ATP2A3: variants seen among roughly 807,000 people sequenced by gnomAD.
The protein encoded by ATP2A3 is ATPase sarcoplasmic/endoplasmic reticulum Ca2+ transporting 3, also known as sarcoplasmic/endoplasmic reticulum calcium ATPase 3.
A neutral mutation model predicts 106.8 loss-of-function variants in ATP2A3; 61 were observed. The observed-to-expected ratio is 0.57, with a 90% CI of 0.46 to 0.71. The LOEUF is 0.71. Ranked by LOEUF, ATP2A3 falls within the 30% of genes least tolerant of loss-of-function variation. The pLI is 0.00. For missense variants in ATP2A3, 1,201 were observed against 1,423.5 expected (o/e 0.84, Z 2.52); for synonymous variants, 611 against 609.3 (o/e 1.00, Z -0.04).
At chr17:3,951,428 GC>G in intron 4 of ATP2A3, 39 bp from the exon 5 acceptor site, 1 of 1,612,798 alleles carries the variant, frequency 6.2e-7, no homozygotes, top group South Asian at 1.1e-5. Flanking sequence ...TGTCCCTGCT[GC>G]CCCCCGCAGA....
intron 17 of ATP2A3, among the ~76,000 whole-genome samples, chr17:3,931,215 T>G (rs1018641617): frequency 6.6e-6 from 1 of 152,144 alleles, no homozygotes; most frequent in Admixed American, 6.6e-5. Context: ...CTATCAGATC[T>G]GATGTGTGCT....
rs1254379837 is a variant in ATP2A3, at chr17:3,936,441, G to A, written c.2350C>T (p.Pro784Ser). The A allele has an allele frequency of 1.9e-6, 3 of 1,613,994 alleles. No individual in the cohort carries two copies. The highest frequency in any genetic ancestry group is 2.5e-6 in the Non-Finnish European group (3 of 1,180,038). The change falls in exon 16 of 21, where the codon CCC becomes TCC. Residue 784 changes from proline (P) to serine (S), a missense_variant. Around this residue, in one of 2 missense-constraint regions of ATP2A3, gnomAD observed 935 missense variants for 1,176.7 expected, o/e 0.79. Transcript: ENST00000397041. The surrounding 1 kb of genome is among the most constrained non-coding windows in gnomAD (Gnocchi z 5.4). ...CIFLTAILGL[P>S]EALIPVQLLW... ...AGCTGCACAGGGATCAGGGCTTCGG[G>A]CAGGCCCAGAATTGCCGTGAGGAAG...
At chr17:3,943,558 G>C in intron 10 of ATP2A3, 36 bp from the exon 11 acceptor site, 1 of 1,613,420 alleles carries the variant, frequency 6.2e-7, no homozygotes, top group Non-Finnish European at 8.5e-7. Flanking sequence ...GTGAGGGGCA[G>C]GCAGCCTCCA....
At chr17:3,961,707 T>G (rs60501677) in intron 1 of ATP2A3, among the ~76,000 whole-genome samples, 124 of 152,160 alleles carry the variant, frequency 8.1e-4, no homozygotes, top group African/African-American at 3.0e-3. Flanking sequence ...TGACCCACCC[T>G]GCCACCCAGC....
Position 3,929,853 on chromosome 17 carries a change from C to T in ATP2A3, c.2745-408G>A, listed in dbSNP as rs2052949129. On this transcript the variant is annotated intron_variant, in intron 18 of 20. Transcript: ENST00000397041. The surrounding 1 kb of genome is among the most constrained non-coding windows in gnomAD (Gnocchi z 4.3). ...CCCCTCTAACTCCCAGACCTCAGTC[C>T]TGGACTCCCCTGACCCCTGGAACCC... Among the ~76,000 whole-genome samples, 1 of 150,162 alleles carries T rather than the reference C, an allele frequency of 6.7e-6. No individual in the cohort carries two copies. Among genetic ancestry groups the T allele is most frequent in the Non-Finnish European group, 1.5e-5 (1 of 67,942 alleles).
Position 3,939,735 on chromosome 17 carries a change from C to T in ATP2A3, c.2100+1236G>A, listed in dbSNP as rs530507020. Reference sequence around the variant, plus strand: ...CTGGGAGGCGGAGGTTGCAGTGAGCCGAGATCGTGCCACTGCGCTCCAGCC... The same window carrying T: ...CTGGGAGGCGGAGGTTGCAGTGAGCTGAGATCGTGCCACTGCGCTCCAGCC... On this transcript the variant is annotated intron_variant, in intron 14 of 20. Transcript: ENST00000397041. Among the ~76,000 whole-genome samples the T allele has an allele frequency of 8.1e-5, 11 of 135,178 alleles. 1 individual carries two copies. Among genetic ancestry groups the T allele is most frequent in the Middle Eastern group, 4.1e-3 (1 of 244 alleles). 88.7% of individuals were successfully genotyped at this position (135,178 alleles called of 152,430 possible).
In ATP2A3 at chr17:3,943,421, G is replaced by A. The variant is rs1451146674; in HGVS notation, c.1389C>T (p.Ser463=). 6.2e-7 allele frequency: 1 copy of A among 1,614,050 alleles called. No individual in the cohort carries two copies. Among genetic ancestry groups the A allele is most frequent in the South Asian group, 1.1e-5 (1 of 91,076 alleles). The change falls in exon 11 of 21, where the codon TCC becomes TCT. Residue 463 remains serine (S), a synonymous_variant. Coordinates refer to ENST00000397041, the MANE Select transcript of ATP2A3 (RefSeq NM_005173.4). The part of the protein sequence containing the change: ...NVFDTDLQAL[S]RVERAGACNT... ...TACAGGCGCCAGCTCGCTCCACCCG[G>A]GACAGAGCCTGCAGGTCGGTGTCGA...
Position 3,928,830 on chromosome 17 carries a change from C to T in ATP2A3, c.2863-50G>A, listed in dbSNP as rs41283385. The T allele has an allele frequency of 6.2e-5, 89 of 1,433,516 alleles. No homozygotes were observed. In the Admixed American group the frequency reaches 9.1e-4, roughly 15 times the overall value. 88.8% of individuals were successfully genotyped at this position (1,433,516 alleles called of 1,614,324 possible). A position where few individuals can be genotyped will look rare whatever the true frequency, so the allele number is the denominator to read the frequency against. The stretch of plus-strand genomic sequence containing the variant: ...TGGTTAAAGGAAGGACTGGCTGTCC[C>T]GTGCCCCAGCCATCTGCTGGCCTTA... On this transcript the variant is annotated intron_variant, in intron 19 of 20. Coordinates refer to ENST00000397041, the MANE Select transcript of ATP2A3 (RefSeq NM_005173.4). This position sits in a 1 kb window ranked among gnomAD's most constrained non-coding sequence, Gnocchi z 6.1.
intron 20 of ATP2A3, chr17:3,927,954 C>T (rs780704828): frequency 5.1e-5 from 82 of 1,613,150 alleles, no homozygotes; most frequent in Middle Eastern, 1.6e-4. Flanking sequence ...ACCGCCTCTG[C>T]GCAAATTCCC....
rs1484483586 is a variant in ATP2A3 at position 3,930,242 on chromosome 17, ACCCCCAG to A, written c.2744+52_2744+58del. 2.2e-6 allele frequency: 3 copies of A among 1,384,240 alleles called. No homozygotes were observed. The highest frequency in any genetic ancestry group is 2.5e-5 in the Admixed American group (1 of 40,182). The allele number at this position is 1,384,240 out of a possible 1,614,324, so 85.7% of individuals were successfully genotyped here. A position where few individuals can be genotyped will look rare whatever the true frequency, so the allele number is the denominator to read the frequency against. The stretch of plus-strand genomic sequence containing the variant: ...CTGACCCTCAGACACTGATACTGGA[ACCCCCAG>A]CCCTCAGCCCCCACTCCTCGGCCCC... On this transcript the variant is annotated intron_variant, in intron 18 of 20. Coordinates refer to ENST00000397041, the MANE Select transcript of ATP2A3 (RefSeq NM_005173.4). This position sits in a 1 kb window ranked among gnomAD's most constrained non-coding sequence, Gnocchi z 5.4.
rs570829169 is a variant in ATP2A3, at chr17:3,955,483, A to G, written c.119-1773T>C. ...ATTTTCCGTGGAAAATGTAATCTCC[A>G]GTGTCCTGCGTCGAGATTAAAATCA... On this transcript the variant is annotated intron_variant, in intron 1 of 20. Coordinates refer to ENST00000397041, the MANE Select transcript of ATP2A3 (RefSeq NM_005173.4). This position sits in a 1 kb window ranked among gnomAD's most constrained non-coding sequence, Gnocchi z 4.2. Among the ~76,000 whole-genome samples, 14 of 152,222 alleles carry G rather than the reference A, an allele frequency of 9.2e-5. No homozygotes were observed. The highest frequency in any genetic ancestry group is 1.5e-4 in the Non-Finnish European group (10 of 68,038).
chr17:3,944,575 A>T (rs1457975240), intron 10 of ATP2A3, 129 bp downstream of exon 10: 2 of 894,242 alleles, frequency 2.2e-6, no homozygotes, highest in East Asian at 5.3e-5. Context: ...GTGCAGGGGT[A>T]ACCGTGCTCC....
In ATP2A3 at chr17:3,936,203, G is replaced by C; in HGVS notation, c.2524+64C>G. Reference sequence around the variant, plus strand: ...GGCTGAGTCACACTGTCTGCAGCTTGCAAGCCTGATACAAGGCTCTTAGGA... The same window carrying C: ...GGCTGAGTCACACTGTCTGCAGCTTCCAAGCCTGATACAAGGCTCTTAGGA... On this transcript the variant is annotated intron_variant, in intron 16 of 20. Coordinates refer to ENST00000397041, the MANE Select transcript of ATP2A3 (RefSeq NM_005173.4). This position sits in a 1 kb window ranked among gnomAD's most constrained non-coding sequence, Gnocchi z 5.4. 1 of 1,586,326 alleles carries C rather than the reference G, an allele frequency of 6.3e-7. No individual in the cohort carries two copies. Among genetic ancestry groups the C allele is most frequent in the South Asian group, 1.1e-5 (1 of 90,470 alleles).
Position 3,951,326 on chromosome 17 carries a change from T to C in ATP2A3, c.388A>G (p.Ile130Val). The C allele has an allele frequency of 6.2e-7, 1 of 1,613,872 alleles. No individual in the cohort carries two copies. The change falls in exon 5 of 21, where the codon ATC becomes GTC. Residue 130 changes from isoleucine (I) to valine (V), a missense_variant. Physicochemically the swap from Ile to Val is conservative, Grantham distance 29 (BLOSUM62 3). This residue lies in a region of ATP2A3 where 266 missense variants were observed against 246.8 expected (regional missense o/e 1.08). Transcript: ENST00000397041. ...TGCACGCCCTTGCGGTCCGAGCGGA[T>C]CACCTTGCCCATCTCAGGCTCATAC... ...KEYEPEMGKV[I>V]RSDRKGVQRI...
intron 5 of ATP2A3, 140 bp from the exon 6 acceptor site, chr17:3,950,913 T>C (rs1315352268): frequency 1.1e-6 from 1 of 879,470 alleles, no homozygotes; most frequent in East Asian, 2.6e-5. Flanking sequence ...CCTGCCCCTC[T>C]GGCCCACAGT....
In ATP2A3 at chr17:3,953,165, G is replaced by A; in HGVS notation, c.219+182C>T. ...GGTGGGAGCCGGGGACCCAATGTAG[G>A]GGCCATGAGGGTTCAGGCAAGGGAA... is the stretch of plus-strand genomic sequence containing the variant. On this transcript the variant is annotated intron_variant, in intron 3 of 20. Transcript: ENST00000397041. The surrounding 1 kb of genome is among the most constrained non-coding windows in gnomAD (Gnocchi z 5.1). The A allele has an allele frequency of 1.5e-6, 1 of 681,400 alleles. No individual in the cohort carries two copies. The highest frequency in any genetic ancestry group is 1.6e-5 in the South Asian group (1 of 60,840). The allele number at this position is 681,400 out of a possible 1,614,324, so 42.2% of individuals were successfully genotyped here.
chr17:3,942,066 A>C (rs1345443851), intron 12 of ATP2A3, among the ~76,000 whole-genome samples: 1 of 152,102 alleles, frequency 6.6e-6, no homozygotes, highest in Non-Finnish European at 1.5e-5. Flanking sequence ...GGGGACCAGA[A>C]ATAGAGCCAT....
chr17:3,942,533 GCTCA>G (rs2053839504), intron 12 of ATP2A3, 69 bp downstream of exon 12: 2 of 1,575,434 alleles, frequency 1.3e-6, no homozygotes, highest in African/African-American at 2.7e-5. Context: ...GAGGACTGGG[GCTCA>G]CAGAGGAGCG....
chr17:3,951,558 G>GACCCCCCCCCAGGCCCC, intron 4 of ATP2A3, 23 bp downstream of exon 4: 1 of 716,234 alleles, frequency 1.4e-6, no homozygotes, highest in Non-Finnish European at 2.1e-6. Context: ...CCCCCGCCCG[G>GACCCCCCCCCAGGCCCC]TCCCACCCCC....
Sources: gnomAD v4.1 joint callset for allele counts (sites outside exome capture counted in the v4.1 genomes callset) on GRCh38, gnomAD v4.1.1 for gene constraint, gnomAD v4.1.1 regional missense constraint, Gnocchi (gnomAD v3.1) non-coding constraint, MANE v1.5 for transcripts, NCBI Gene and HGNC (gene_info 2026-07-23, HGNC 2026-07-21) for gene names.